The following ZNF131 variants were observed in gnomAD, a reference collection of about 807,000 sequenced individuals.
ZNF131 encodes zinc finger and BTB domain containing 35.
Under a neutral mutation model 60.0 loss-of-function variants are expected in ZNF131, and 7 were observed. The ratio of observed to expected loss-of-function variants is 0.12; its 90% CI spans 0.07 to 0.22. The LOEUF is 0.22. ZNF131 is among the 10% of genes least tolerant of loss of function. The pLI is 1.00. For synonymous variants in ZNF131, 257 were observed against 253.2 expected, an observed-to-expected ratio of 1.01 and a Z score of -0.14; for missense variants, 493 against 740.9, an observed-to-expected ratio of 0.67 and a Z score of 3.88.
At chr5:43,157,238 C>G (rs947577456) in intron 4 of ZNF131, among the ~76,000 whole-genome samples, 1 of 152,140 alleles carries the variant, frequency 6.6e-6, no homozygotes, top group Non-Finnish European at 1.5e-5. Context: ...ACAGGAAGGA[C>G]GGAGCCCAAA....
At chr5:43,158,648 A>C (rs1458591434) in intron 4 of ZNF131, among the ~76,000 whole-genome samples, 2 of 152,196 alleles carry the variant, frequency 1.3e-5, no homozygotes, top group Admixed American at 1.3e-4. Flanking sequence ...GCCTATTCAC[A>C]GATATTAGGG....
chr5:43,175,588 C>G lies in ZNF131; in HGVS notation c.*455C>G. The G allele has an allele frequency of 1.6e-6, 1 of 619,552 alleles. No individual in the cohort carries two copies. Among genetic ancestry groups the G allele is most frequent in the East Asian group, 2.9e-5 (1 of 34,396 alleles). The allele number at this position is 619,552 out of a possible 1,614,324, so 38.4% of individuals were successfully genotyped here. On this transcript the variant is annotated 3_prime_UTR_variant, in exon 7 of 7. Coordinates refer to ENST00000682664, the MANE Select transcript of ZNF131 (RefSeq NM_001330707.2). ...ACACAAGGCTGCATGATGAAAAGTGCATTGTTACTGTGCAGTTAAATTTTG... is the reference window on the plus strand; with the variant it reads ...ACACAAGGCTGCATGATGAAAAGTGGATTGTTACTGTGCAGTTAAATTTTG...
intron 3 of ZNF131, among the ~76,000 whole-genome samples, chr5:43,130,083 C>T (rs926856456): frequency 3.3e-5 from 5 of 151,082 alleles, no homozygotes; most frequent in Admixed American, 2.6e-4. Flanking sequence ...CTGGGCAACA[C>T]GGTGAAACCG....
At chr5:43,169,127 G>A (rs1236416688) in intron 5 of ZNF131, among the ~76,000 whole-genome samples, 1 of 152,176 alleles carries the variant, frequency 6.6e-6, no homozygotes, top group East Asian at 1.9e-4. Context: ...CAGAATTTCA[G>A]TTCCATCTCC....
In ZNF131 at chr5:43,123,321, CTTG is replaced by C. The variant is rs750397897; in HGVS notation, c.226+17_226+19del. On this transcript the variant is annotated intron_variant, in intron 3 of 6. Transcript: ENST00000682664. ...TGGTGGAGATAGAAGGTAAATGATT[CTTG>C]TTGTTTTTTTATTTAATAAATCAAA... 6.6e-5 allele frequency: 104 copies of C among 1,575,096 alleles called. No homozygotes were observed. Among genetic ancestry groups the C allele is most frequent in the Non-Finnish European group, 8.3e-5 (97 of 1,165,328 alleles).
Position 43,161,777 on chromosome 5 carries a change from G to A in ZNF131, c.900G>A (p.Glu300=). The change falls in exon 5 of 7, where the codon GAG becomes GAA. Residue 300 remains glutamate (E), a synonymous_variant. Transcript: ENST00000682664. ...CEICNKRYLR[E]SAWKQHLNCY... ...TATGCAATAAACGATATCTTCGAGA[G>A]AGCGCATGGAAACAGCACCTAAATT... 6.2e-7 allele frequency: 1 copy of A among 1,614,202 alleles called. No individual in the cohort carries two copies. The highest frequency in any genetic ancestry group is 8.5e-7 in the Non-Finnish European group (1 of 1,180,052).
chr5:43,134,654 CA>C (rs1269487329), intron 3 of ZNF131, among the ~76,000 whole-genome samples: 1 of 146,092 alleles, frequency 6.8e-6, no homozygotes, highest in Admixed American at 6.9e-5. Context: ...TTGCAGGATA[CA>C]AAATCAGCAT....
Position 43,125,503 on chromosome 5 carries a change from G to A in ZNF131, c.226+2193G>A, listed in dbSNP as rs76892763. Reference sequence around the variant, plus strand: ...GTCTTAAAAAATAAGTGGCCTGGCCGGATGCGGTGGCTCACGCCTGTAATC... The same window carrying A: ...GTCTTAAAAAATAAGTGGCCTGGCCAGATGCGGTGGCTCACGCCTGTAATC... On this transcript the variant is annotated intron_variant, in intron 3 of 6. Coordinates refer to ENST00000682664, the MANE Select transcript of ZNF131 (RefSeq NM_001330707.2). 6.4e-3 allele frequency among the ~76,000 whole-genome samples: 979 copies of A among 151,912 alleles called. 10 individuals are homozygous for A. The highest frequency in any genetic ancestry group is 0.022 in the African/African-American group (899 of 41,484).
chr5:43,164,620 T>G (rs911591197), intron 5 of ZNF131, among the ~76,000 whole-genome samples: 1 of 152,194 alleles, frequency 6.6e-6, no homozygotes, highest in African/African-American at 2.4e-5. Context: ...CCCAAAACAT[T>G]GCCTACTGAC....
intron 4 of ZNF131, among the ~76,000 whole-genome samples, chr5:43,146,364 G>A (rs1363616414): frequency 6.6e-6 from 1 of 152,118 alleles, no homozygotes; most frequent in Non-Finnish European, 1.5e-5. Context: ...AAGGTGGGCG[G>A]ATATGAGGTC....
chr5:43,133,978 C>T (rs1745690185), intron 3 of ZNF131, among the ~76,000 whole-genome samples: 1 of 152,148 alleles, frequency 6.6e-6, no homozygotes, highest in Admixed American at 6.5e-5. Flanking sequence ...GCCAGTCCTT[C>T]TCATAGCCTT....
chr5:43,122,422 T>G (rs1422245413), intron 2 of ZNF131, among the ~76,000 whole-genome samples: 1 of 152,202 alleles, frequency 6.6e-6, no homozygotes, highest in Non-Finnish European at 1.5e-5. Context: ...TCATTTTAAC[T>G]TCTTACATCC....
At chr5:43,145,696 C>T (rs1747494815) in intron 4 of ZNF131, among the ~76,000 whole-genome samples, 1 of 152,098 alleles carries the variant, frequency 6.6e-6, no homozygotes, top group Admixed American at 6.6e-5. Flanking sequence ...TTTACCTCAA[C>T]ACTTGTACTT....
At chr5:43,157,870 C>T (rs931207117) in intron 4 of ZNF131, among the ~76,000 whole-genome samples, 4 of 152,192 alleles carry the variant, frequency 2.6e-5, no homozygotes, top group African/African-American at 7.2e-5. Context: ...TTCACATTGC[C>T]ATCTTCTCTG....
At chr5:43,142,202 G>T (rs1248702798) in intron 4 of ZNF131, among the ~76,000 whole-genome samples, 1 of 151,220 alleles carries the variant, frequency 6.6e-6, no homozygotes, top group Admixed American at 6.6e-5. Flanking sequence ...AATTAGCCAG[G>T]CGTTGTGGCG....
chr5:43,167,509 C>T (rs1750509337), intron 5 of ZNF131, among the ~76,000 whole-genome samples: 1 of 151,988 alleles, frequency 6.6e-6, no homozygotes, highest in Non-Finnish European at 1.5e-5. Context: ...CGTATATACC[C>T]CATTAGTTTC....
At chr5:43,153,188 G>A (rs1328635721) in intron 4 of ZNF131, among the ~76,000 whole-genome samples, 3 of 152,164 alleles carry the variant, frequency 2.0e-5, no homozygotes, top group African/African-American at 4.8e-5. Flanking sequence ...CCTATAAGAT[G>A]ATGTCACTCC....
intron 5 of ZNF131, among the ~76,000 whole-genome samples, chr5:43,162,966 TGCC>T (rs1221567235): frequency 0.062 from 6,968 of 112,432 alleles, 535 homozygotes; most frequent in Non-Finnish European, 0.096. Context: ...TTCTTTTATT[TGCC>T]TTTTTTTTTT....
intron 3 of ZNF131, chr5:43,124,773 T>C (rs1444292576): frequency 1.3e-5 from 2 of 152,194 alleles, no homozygotes; most frequent in Admixed American, 1.3e-4. Flanking sequence ...TGCGATAACA[T>C]GCAGAGTGCA....
Sources: allele counts gnomAD v4.1 joint callset (sites outside exome capture counted in the v4.1 genomes callset), GRCh38; gene constraint gnomAD v4.1.1; transcripts MANE v1.5; gene names NCBI Gene and HGNC (gene_info 2026-07-23, HGNC 2026-07-21).